Variants in TMEM135 observed in about 807,000 individuals in gnomAD.
TMEM135 encodes the protein peroxisomal membrane protein 52.
In TMEM135, 30 loss-of-function variants were observed where a neutral mutation model predicts 60.3. The observed-to-expected ratio is 0.50, with a 90% CI of 0.37 to 0.68. The LOEUF (loss-of-function observed/expected upper bound fraction) is 0.68, where lower values mean the gene tolerates loss of function less well. Among genes scored for constraint, TMEM135 ranks in the 30% least tolerant of loss-of-function variants. The pLI, the probability that TMEM135 is intolerant of heterozygous loss-of-function variation, is 0.00. For synonymous variants in TMEM135, 190 were observed against 186.7 expected (o/e 1.02, Z -0.14); for missense variants, 468 against 548.8 (o/e 0.85, Z 1.47).
At chr11:87,067,634 T>A in intron 1 of TMEM135, 60 bp from the exon 2 acceptor site, 1 of 1,598,288 alleles carries the variant, frequency 6.3e-7, no homozygotes, top group South Asian at 1.1e-5. Context: ...CTTCCACATA[T>A]AAGCTAATTT....
intron 4 of TMEM135, among the ~76,000 whole-genome samples, chr11:87,130,991 G>T (rs1937912330): frequency 6.7e-6 from 1 of 148,566 alleles, no homozygotes; most frequent in African/African-American, 2.5e-5. Flanking sequence ...TTTTTAGATT[G>T]TACATATATC....
chr11:87,226,874 C>A (rs1348045669), intron 5 of TMEM135, among the ~76,000 whole-genome samples: 3 of 152,002 alleles, frequency 2.0e-5, no homozygotes, highest in African/African-American at 7.3e-5. Context: ...CATGGTGAAA[C>A]CCCGTGTCTG....
At chr11:87,311,561 T>C (rs1232746072) in intron 10 of TMEM135, among the ~76,000 whole-genome samples, 2 of 152,108 alleles carry the variant, frequency 1.3e-5, no homozygotes. Context: ...ATCTAGCTTA[T>C]CTCAGAGTGT....
intron 6 of TMEM135, among the ~76,000 whole-genome samples, chr11:87,250,118 A>G (rs952071617): frequency 1.3e-4 from 20 of 152,198 alleles, no homozygotes; most frequent in Middle Eastern, 3.4e-3. Flanking sequence ...TCTTAGGAGC[A>G]TTTGCATTTC....
At chr11:87,234,257 A>T (rs1940947791) in intron 5 of TMEM135, among the ~76,000 whole-genome samples, 1 of 151,804 alleles carries the variant, frequency 6.6e-6, no homozygotes, top group African/African-American at 2.4e-5. Context: ...TATCTCCAAA[A>T]CTCCTACTAC....
chr11:87,297,435 A>G (rs11824912), intron 7 of TMEM135, among the ~76,000 whole-genome samples: 37 of 152,326 alleles, frequency 2.4e-4, no homozygotes, highest in African/African-American at 8.7e-4. Flanking sequence ...TTTTTCAGTA[A>G]AAGATCATGA....
intron 7 of TMEM135, among the ~76,000 whole-genome samples, chr11:87,299,524 T>C (rs1188260053): frequency 2.0e-5 from 3 of 152,294 alleles, no homozygotes; most frequent in East Asian, 1.9e-4. Flanking sequence ...AGCCAAACCA[T>C]ATCAGCACTC....
intron 4 of TMEM135, among the ~76,000 whole-genome samples, chr11:87,140,063 T>G (rs1227906451): frequency 6.6e-6 from 1 of 151,232 alleles, no homozygotes; most frequent in African/African-American, 2.5e-5. Flanking sequence ...TTACTTTTTC[T>G]TTCTTTCTTT....
At chr11:87,261,990 TA>T (rs1941660685) in intron 6 of TMEM135, among the ~76,000 whole-genome samples, 2 of 152,318 alleles carry the variant, frequency 1.3e-5, no homozygotes, top group South Asian at 4.1e-4. Flanking sequence ...TCACAAATTA[TA>T]TATTGTTCTG....
chr11:87,302,338 A>C lies in TMEM135; in HGVS notation c.594A>C (p.Ser198=). The C allele has an allele frequency of 6.2e-7, 1 of 1,613,658 alleles. No individual in the cohort carries two copies. The highest frequency in any genetic ancestry group is 8.5e-7 in the Non-Finnish European group (1 of 1,179,898). The change falls in exon 8 of 15, where the codon TCA becomes TCC. Residue 198 remains serine, a synonymous_variant. Coordinates refer to ENST00000305494, the MANE Select transcript of TMEM135 (RefSeq NM_022918.4). The part of the protein sequence containing the change: ...GKEEIPTHSF[S]PEAAYAKVEQ... ...AAGAAATTCCCACACATTCTTTTTC[A>C]CCAGAGGCAGCATATGCAAAAGTGG... is the stretch of plus-strand genomic sequence containing the variant.
chr11:87,241,961 T>C (rs470810), intron 6 of TMEM135, among the ~76,000 whole-genome samples: 99,875 of 151,572 alleles, frequency 0.66, 33,498 homozygotes, highest in Non-Finnish European at 0.71. Flanking sequence ...CCCATTAACT[T>C]GTCGTATAGC....
intron 6 of TMEM135, among the ~76,000 whole-genome samples, chr11:87,287,306 T>A (rs1942184228): frequency 6.6e-6 from 1 of 152,218 alleles, no homozygotes; most frequent in Non-Finnish European, 1.5e-5. Flanking sequence ...TCATGTAATA[T>A]TTAATGAATA....
At chr11:87,173,387 G>T (rs1232317755) in intron 5 of TMEM135, among the ~76,000 whole-genome samples, 1 of 152,110 alleles carries the variant, frequency 6.6e-6, no homozygotes, top group Admixed American at 6.6e-5. Flanking sequence ...TTATTATGAG[G>T]TAGATTAGTA....
chr11:87,225,937 T>C (rs1940756700), intron 5 of TMEM135, among the ~76,000 whole-genome samples: 1 of 152,150 alleles, frequency 6.6e-6, no homozygotes, highest in African/African-American at 2.4e-5. Flanking sequence ...ATTCCTCCTC[T>C]TTTCTTTTTC....
At position 87,269,499 on chromosome 11, in the gene TMEM135, T is replaced by C. The variant is rs1433797982; in HGVS notation, c.510-26283T>C. 8.1e-5 allele frequency among the ~76,000 whole-genome samples: 12 copies of C among 148,028 alleles called. No homozygotes were observed. In the East Asian group the frequency reaches 1.5e-3, roughly 18 times the overall value. ...TCCTAATGCTATCCCTCCCCCCTCC[T>C]CCCACCCCACAACAGTCCCCAGAGT... On this transcript the variant is annotated intron_variant, in intron 6 of 14. Transcript: ENST00000305494.
At chr11:87,098,239 C>G (rs1565439906) in intron 4 of TMEM135, among the ~76,000 whole-genome samples, 1 of 151,242 alleles carries the variant, frequency 6.6e-6, no homozygotes, top group Non-Finnish European at 1.5e-5. Flanking sequence ...TAATGGAACA[C>G]TAGGCATAAA....
At chr11:87,069,419 T>A (rs1357045998) in intron 2 of TMEM135, among the ~76,000 whole-genome samples, 1 of 152,108 alleles carries the variant, frequency 6.6e-6, no homozygotes, top group Non-Finnish European at 1.5e-5. Context: ...TGTAGAAGCA[T>A]GTATCCTGAA....
chr11:87,174,514 T>C (rs1185397464), intron 5 of TMEM135, among the ~76,000 whole-genome samples: 2 of 152,154 alleles, frequency 1.3e-5, no homozygotes, highest in Non-Finnish European at 2.9e-5. Flanking sequence ...TTTTTCCTTT[T>C]TAAGCAGCAA....
At chr11:87,235,756 G>GT (rs1042680775) in intron 5 of TMEM135, among the ~76,000 whole-genome samples, 4 of 151,706 alleles carry the variant, frequency 2.6e-5, no homozygotes, top group Non-Finnish European at 4.4e-5. Context: ...TTTCTAATCT[G>GT]TTTTTTTGGT....
Sources: gnomAD v4.1 joint callset for allele counts (sites outside exome capture counted in the v4.1 genomes callset) on GRCh38, gnomAD v4.1.1 for gene constraint, MANE v1.5 for transcripts, NCBI Gene and HGNC (gene_info 2026-07-23, HGNC 2026-07-21) for gene names.